The following CSN1S1 variants were observed in gnomAD, a reference collection of about 807,000 sequenced individuals.
CSN1S1 encodes alpha-S1-casein.
Under a neutral mutation model 49.1 loss-of-function variants are expected in CSN1S1, and 63 were observed. The ratio of observed to expected loss-of-function variants is 1.28; its 90% CI spans 1.05 to 1.58. The LOEUF (loss-of-function observed/expected upper bound fraction) is 1.58. Among genes scored for constraint, CSN1S1 ranks in the 40% most tolerant of loss-of-function variants. The pLI is 0.00. For missense variants in CSN1S1, 260 were observed against 224.7 expected, an observed-to-expected ratio of 1.16 and a Z score of -1.01; for synonymous variants, 78 against 67.1, an observed-to-expected ratio of 1.16 and a Z score of -0.79.
intron 4 of CSN1S1, 103 bp from the exon 5 acceptor site, chr4:69,935,823 G>T: frequency 2.6e-6 from 2 of 765,218 alleles, no homozygotes; most frequent in Non-Finnish European, 4.4e-6. Context: ...TGACTTAATT[G>T]TTGAATAGAA....
Position 69,936,459 on chromosome 4 carries a change from T to A in CSN1S1, c.133T>A (p.Tyr45Asn). The A allele has an allele frequency of 2.6e-6, 4 of 1,556,010 alleles. No homozygotes were observed. The highest frequency in any genetic ancestry group is 1.1e-5 in the South Asian group (1 of 88,632). Residue 45 changes from tyrosine to asparagine, a missense_variant, in exon 6 of 16, where the codon TAC becomes AAC. Coordinates refer to ENST00000246891, the MANE Select transcript of CSN1S1 (RefSeq NM_001890.2). The stretch of plus-strand genomic sequence containing the variant: ...TGTTTTCTTTTTTATCCCTAAGGAA[T>A]ACATGAATGGTATGAACAGGGTAAG... Reference protein sequence around the residue: ...EPIPLESREEYMNGMNRQRNI... With the variant: ...EPIPLESREENMNGMNRQRNI...
At chr4:69,941,180 T>C (rs1294180005) in intron 12 of CSN1S1, 120 bp downstream of exon 12, 6 of 495,252 alleles carry the variant, frequency 1.2e-5, no homozygotes, top group Non-Finnish European at 2.1e-5. Flanking sequence ...TTATTTATTC[T>C]AGCCTTGACC....
Position 69,935,962 on chromosome 4 carries a change from C to G in CSN1S1, c.129+13C>G, listed in dbSNP as rs750705289. ...AGAATCAAGAGAGGTAAGAATGACT[C>G]CACAGAATTTACCGTGCAATTAACA... is the stretch of plus-strand genomic sequence containing the variant. On this transcript the variant is annotated intron_variant, in intron 5 of 15. Transcript: ENST00000246891. The G allele has an allele frequency of 1.3e-6, 2 of 1,535,990 alleles. No homozygotes were observed. Among genetic ancestry groups the G allele is most frequent in the Non-Finnish European group, 1.8e-6 (2 of 1,133,804 alleles).
intron 1 of CSN1S1, among the ~76,000 whole-genome samples, chr4:69,932,208 T>A (rs1722630386): frequency 6.6e-6 from 1 of 151,930 alleles, no homozygotes; most frequent in African/African-American, 2.4e-5. Flanking sequence ...TTTTTTCAAT[T>A]GTATTTCAAT....
chr4:69,946,054 T>A lies in CSN1S1; in HGVS notation c.*-142T>A, dbSNP rs899328243. 43 of 327,298 alleles carry A rather than the reference T, an allele frequency of 1.3e-4. No individual in the cohort carries two copies. The East Asian group carries it at 1.7e-3, about 13-fold the overall frequency. The allele number at this position is 327,298 out of a possible 1,614,324, so 20.3% of individuals were successfully genotyped here. On this transcript the variant is annotated intron_variant, in intron 15 of 15. Coordinates refer to ENST00000246891, the MANE Select transcript of CSN1S1 (RefSeq NM_001890.2). ...AAACCAAGAGCAATGGATAGGTATG[T>A]CAGTAACAGGAAAGCATAAATAACA...
intron 11 of CSN1S1, 69 bp from the exon 12 acceptor site, chr4:69,940,950 T>A (rs1468094567): frequency 7.8e-6 from 6 of 768,662 alleles, no homozygotes; most frequent in Non-Finnish European, 1.3e-5. Flanking sequence ...TCTTGTTTCA[T>A]CATATGAAAA....
At chr4:69,932,635 T>A in intron 2 of CSN1S1, 29 bp downstream of exon 2, 1 of 1,565,406 alleles carries the variant, frequency 6.4e-7, no homozygotes, top group Non-Finnish European at 8.7e-7. Context: ...TTAGAAAGTC[T>A]TAGACTCTTG....
chr4:69,932,893 CA>C (rs1722653076), intron 2 of CSN1S1, among the ~76,000 whole-genome samples: 1 of 151,894 alleles, frequency 6.6e-6, no homozygotes, highest in African/African-American at 2.4e-5. Context: ...AGGTAATGCA[CA>C]ACATAATAAA....
chr4:69,936,212 G>A (rs893197679), intron 5 of CSN1S1, among the ~76,000 whole-genome samples: 1 of 152,010 alleles, frequency 6.6e-6, no homozygotes, highest in Non-Finnish European at 1.5e-5. Context: ...TTTTAAATTT[G>A]TATCAGCACT....
chr4:69,941,598 G>A (rs541550621), intron 12 of CSN1S1, among the ~76,000 whole-genome samples: 5 of 151,850 alleles, frequency 3.3e-5, no homozygotes, highest in African/African-American at 4.8e-5. Context: ...CAAATTTGAC[G>A]TAATGAAGGC....
At chr4:69,945,891 C>G (rs1723149814) in intron 15 of CSN1S1, among the ~76,000 whole-genome samples, 1 of 151,804 alleles carries the variant, frequency 6.6e-6, no homozygotes, top group African/African-American at 2.4e-5. Flanking sequence ...GGAAACTTCC[C>G]TTCTAATACA....
At chr4:69,934,188 C>T in intron 2 of CSN1S1, 24 bp from the exon 3 acceptor site, 1 of 1,592,942 alleles carries the variant, frequency 6.3e-7, no homozygotes, top group Non-Finnish European at 8.6e-7. Flanking sequence ...TTTTGTTTTA[C>T]AATTCTTGCA....
intron 9 of CSN1S1, among the ~76,000 whole-genome samples, chr4:69,938,027 G>T (rs1205217769): frequency 6.6e-6 from 1 of 151,786 alleles, no homozygotes; most frequent in Non-Finnish European, 1.5e-5. Flanking sequence ...ACTCAAGAAT[G>T]TACAATGTTG....
At chr4:69,940,859 A>T (rs1722949453) in intron 11 of CSN1S1, among the ~76,000 whole-genome samples, 160 bp from the exon 12 acceptor site, 1 of 151,786 alleles carries the variant, frequency 6.6e-6, no homozygotes, top group East Asian at 1.9e-4. Flanking sequence ...AATGGAAGAG[A>T]TCCAAATTAT....
At chr4:69,944,590 G>T (rs1480177856) in intron 14 of CSN1S1, among the ~76,000 whole-genome samples, 1 of 151,772 alleles carries the variant, frequency 6.6e-6, no homozygotes, top group African/African-American at 2.4e-5. Flanking sequence ...GTGGGTTCTT[G>T]GAGTTCAGTT....
At chr4:69,945,300 G>A (rs1191656078) in intron 15 of CSN1S1, among the ~76,000 whole-genome samples, 6 of 151,972 alleles carry the variant, frequency 3.9e-5, no homozygotes, top group Admixed American at 2.0e-4. Flanking sequence ...CTTCTGACAT[G>A]TAATTCAACA....
rs759778864 is a variant in CSN1S1 at position 69,934,654 on chromosome 4, G to A, written c.85-36G>A. 8.2e-6 allele frequency: 13 copies of A among 1,581,614 alleles called. No individual in the cohort carries two copies. The Admixed American group carries it at 2.0e-4, about 25-fold the overall frequency. ...TAATCCTACATTCTGTCCTGCAATT[G>A]GAATAATACCATTTAAAAATTATTA... On this transcript the variant is annotated intron_variant, in intron 3 of 15. Transcript: ENST00000246891.
At position 69,944,919 on chromosome 4, in the gene CSN1S1, T is replaced by C. The variant is rs1723108445; in HGVS notation, c.472T>C (p.Tyr158His). 1 of 1,613,064 alleles carries C rather than the reference T, an allele frequency of 6.2e-7. No homozygotes were observed. The highest frequency in any genetic ancestry group is 1.3e-5 in the African/African-American group (1 of 74,962). The change falls in exon 15 of 16, where the codon TAT (tyrosine) becomes CAT (histidine). Residue 158 changes from tyrosine to histidine, a missense_variant. Transcript: ENST00000246891. ...TTGGTACTATCCACAAATCATGCAG[T>C]ATGTTCCTTTCCCACCGTTTTCCGA... ...AVWYYPQIMQ[Y>H]VPFPPFSDIS...
At chr4:69,933,780 AC>A (rs944083091) in intron 2 of CSN1S1, among the ~76,000 whole-genome samples, 1 of 152,030 alleles carries the variant, frequency 6.6e-6, no homozygotes, top group Non-Finnish European at 1.5e-5. Flanking sequence ...TAAAAATAAA[AC>A]CCAGAAAGCG....
Sources: allele counts gnomAD v4.1 joint callset (sites outside exome capture counted in the v4.1 genomes callset), GRCh38; gene constraint gnomAD v4.1.1; transcripts MANE v1.5; gene names NCBI Gene and HGNC (gene_info 2026-07-23, HGNC 2026-07-21).